Variants in MECOM observed in about 807,000 individuals in gnomAD.
The protein encoded by MECOM is histone-lysine N-methyltransferase MECOM.
In MECOM, 13 loss-of-function variants were observed where a neutral mutation model predicts 116.3. The ratio of observed to expected loss-of-function variants is 0.11; its 90% confidence interval spans 0.07 to 0.18. MECOM has a LOEUF of 0.18. Among genes scored for constraint, MECOM ranks in the 10% least tolerant of loss-of-function variants. The pLI, the probability that MECOM is intolerant of heterozygous loss-of-function variation, is 1.00. For synonymous variants in MECOM, 528 were observed against 535.2 expected (o/e 0.99, Z 0.19); for missense variants, 1,299 against 1,509.0 (o/e 0.86, Z 2.31).
intron 1 of MECOM, among the ~76,000 whole-genome samples, chr3:169,577,965 G>A (rs1764705266): frequency 6.6e-6 from 1 of 152,026 alleles, no homozygotes. Context: ...AATTGACCAT[G>A]CATTCCTTAG....
chr3:169,570,083 C>T (rs964659586), intron 1 of MECOM, among the ~76,000 whole-genome samples: 2 of 151,942 alleles, frequency 1.3e-5, no homozygotes, highest in Non-Finnish European at 2.9e-5. Flanking sequence ...ATAGATAGAT[C>T]GCTAGCCAGA....
intron 2 of MECOM, among the ~76,000 whole-genome samples, chr3:169,253,800 G>C (rs1756534457): frequency 6.6e-6 from 1 of 151,924 alleles, no homozygotes. Flanking sequence ...TAACAAAAGA[G>C]TAATGAAATG....
intron 2 of MECOM, among the ~76,000 whole-genome samples, chr3:169,229,858 T>C (rs998512649): frequency 1.3e-5 from 2 of 152,172 alleles, no homozygotes; most frequent in Non-Finnish European, 2.9e-5. Context: ...TACAATGTTT[T>C]TTCATGTCAT....
At chr3:169,271,506 T>C (rs1758938442) in intron 2 of MECOM, among the ~76,000 whole-genome samples, 1 of 152,172 alleles carries the variant, frequency 6.6e-6, no homozygotes, top group African/African-American at 2.4e-5. Flanking sequence ...GTTTATAATT[T>C]TTTAAAGTCT....
At chr3:169,406,852 T>G (rs1360765714) in intron 1 of MECOM, among the ~76,000 whole-genome samples, 4 of 151,556 alleles carry the variant, frequency 2.6e-5, no homozygotes, top group Non-Finnish European at 4.4e-5. Context: ...TTTTTTTGTT[T>G]TTTTTTTTTA....
At chr3:169,284,975 C>T (rs1243667823) in intron 2 of MECOM, among the ~76,000 whole-genome samples, 1 of 152,130 alleles carries the variant, frequency 6.6e-6, no homozygotes, top group Non-Finnish European at 1.5e-5. Flanking sequence ...ACAACAGGAT[C>T]CATGGTGTGG....
chr3:169,564,278 A>G (rs745671144), intron 1 of MECOM, among the ~76,000 whole-genome samples: 6 of 152,196 alleles, frequency 3.9e-5, no homozygotes, highest in Admixed American at 6.5e-5. Context: ...GCCAAGACTC[A>G]CCATCTGAGA....
At chr3:169,298,081 C>T (rs1219276027) in intron 2 of MECOM, among the ~76,000 whole-genome samples, 1 of 152,108 alleles carries the variant, frequency 6.6e-6, no homozygotes, top group East Asian at 1.9e-4. Context: ...CCTGAACAAA[C>T]ACATTTCTTT....
rs557926926 is a variant in MECOM, at chr3:169,271,640, G to A, written c.375+109547C>T. 4.0e-3 allele frequency among the ~76,000 whole-genome samples: 604 copies of A among 152,176 alleles called. 6 individuals carry two copies. The highest frequency in any genetic ancestry group is 0.014 in the African/African-American group (574 of 41,528). On this transcript the variant is annotated intron_variant, in intron 2 of 16. Coordinates refer to ENST00000651503, the MANE Select transcript of MECOM (RefSeq NM_004991.4). The stretch of plus-strand genomic sequence containing the variant: ...GGGGGCTGGGGGATGGATAGCATTA[G>A]GAGAAATACCTAATGTAAATGACGA...
intron 2 of MECOM, among the ~76,000 whole-genome samples, chr3:169,339,258 G>A (rs953305798): frequency 1.3e-5 from 2 of 152,190 alleles, no homozygotes; most frequent in African/African-American, 4.8e-5. Flanking sequence ...CACACCAGGG[G>A]TTTTCAAAAA....
chr3:169,123,373 G>T (rs946790533), intron 5 of MECOM, among the ~76,000 whole-genome samples: 3 of 151,114 alleles, frequency 2.0e-5, no homozygotes, highest in Admixed American at 2.0e-4. Context: ...GAATTGGGGA[G>T]CAAAAAAGTG....
intron 1 of MECOM, among the ~76,000 whole-genome samples, chr3:169,442,742 G>T (rs892611122): frequency 6.6e-6 from 1 of 152,124 alleles, no homozygotes; most frequent in Non-Finnish European, 1.5e-5. Context: ...AGTTTTTGTG[G>T]TCTCTTTTCT....
chr3:169,206,047 C>T (rs985569692), intron 2 of MECOM, among the ~76,000 whole-genome samples: 1 of 152,106 alleles, frequency 6.6e-6, no homozygotes, highest in African/African-American at 2.4e-5. Context: ...CCCCTGCTTG[C>T]CAATGTCCAC....
At position 169,201,408 on chromosome 3, in the gene MECOM, G is replaced by GT. The variant is rs1412219127; in HGVS notation, c.376-57577dup. On this transcript the variant is annotated intron_variant, in intron 2 of 16. Transcript: ENST00000651503. ...AGCCAAAATGAAATTTAAAATTATG[G>GT]TTATACTATTATTCACACTAGGTAG... Among the ~76,000 whole-genome samples, 5 of 152,042 alleles carry GT rather than the reference G, an allele frequency of 3.3e-5. No individual in the cohort carries two copies. In the East Asian group the frequency reaches 9.7e-4, roughly 29 times the overall value.
At chr3:169,364,519 A>G (rs1378944738) in intron 2 of MECOM, among the ~76,000 whole-genome samples, 1 of 152,034 alleles carries the variant, frequency 6.6e-6, no homozygotes, top group Non-Finnish European at 1.5e-5. Context: ...CCAAACAATC[A>G]GCTTTTGACG....
intron 1 of MECOM, among the ~76,000 whole-genome samples, chr3:169,585,488 A>G (rs984340444): frequency 6.6e-6 from 1 of 152,172 alleles, no homozygotes; most frequent in African/African-American, 2.4e-5. Context: ...AAGCTTCTTG[A>G]AGGCAAGAGA....
intron 1 of MECOM, among the ~76,000 whole-genome samples, chr3:169,467,554 T>C (rs1748496364): frequency 6.6e-6 from 1 of 152,202 alleles, no homozygotes; most frequent in African/African-American, 2.4e-5. Flanking sequence ...TGTGTTTTTA[T>C]ATACCCTTGA....
At chr3:169,298,960 A>T (rs997302225) in intron 2 of MECOM, among the ~76,000 whole-genome samples, 12 of 152,238 alleles carry the variant, frequency 7.9e-5, no homozygotes, top group African/African-American at 2.9e-4. Flanking sequence ...TTAGAAACGA[A>T]TCCAGATACC....
chr3:169,373,902 C>T (rs979737871), intron 2 of MECOM, among the ~76,000 whole-genome samples: 10 of 151,894 alleles, frequency 6.6e-5, no homozygotes, highest in Non-Finnish European at 1.2e-4. Context: ...TCCATTCATT[C>T]ACTCATTTAT....
Sources: gnomAD v4.1 joint callset for allele counts (sites outside exome capture counted in the v4.1 genomes callset) on GRCh38, gnomAD v4.1.1 for gene constraint, MANE v1.5 for transcripts, NCBI Gene and HGNC (gene_info 2026-07-23, HGNC 2026-07-21) for gene names.